PPIP5K2: variants seen among roughly 807,000 people sequenced by gnomAD.
PPIP5K2 encodes the protein inositol hexakisphosphate and diphosphoinositol-pentakisphosphate kinase 2.
In PPIP5K2, 105 loss-of-function variants were observed where a neutral mutation model predicts 154.6. The observed-to-expected ratio is 0.68, with a 90% confidence interval of 0.58 to 0.80. The LOEUF is 0.80. PPIP5K2 is among the 30% of genes least tolerant of loss of function. The pLI, the probability that PPIP5K2 is intolerant of heterozygous loss-of-function variation, is 0.00. For missense variants in PPIP5K2, 992 were observed against 1,504.6 expected, an observed-to-expected ratio of 0.66 and a Z score of 5.64; for synonymous variants, 480 against 490.3, an observed-to-expected ratio of 0.98 and a Z score of 0.28.
intron 5 of PPIP5K2, among the ~76,000 whole-genome samples, chr5:103,142,745 C>G (rs1793028088): frequency 6.9e-6 from 1 of 145,146 alleles, no homozygotes; most frequent in Non-Finnish European, 1.5e-5. Flanking sequence ...CACTGCACTC[C>G]AGCCTGGGCG....
At chr5:103,129,948 A>G (rs185253910) in intron 2 of PPIP5K2, among the ~76,000 whole-genome samples, 1 of 152,330 alleles carries the variant, frequency 6.6e-6, no homozygotes, top group Admixed American at 6.5e-5. Flanking sequence ...GTGTTAGGTA[A>G]CAAAAGTGGC....
chr5:103,174,812 G>A (rs951615463), intron 21 of PPIP5K2, among the ~76,000 whole-genome samples: 10 of 152,100 alleles, frequency 6.6e-5, no homozygotes, highest in Non-Finnish European at 1.5e-4. Flanking sequence ...CTGTCCTATT[G>A]TAAGAAGAGT....
At chr5:103,184,796 G>C in intron 26 of PPIP5K2, 52 bp downstream of exon 26, 1 of 1,395,344 alleles carries the variant, frequency 7.2e-7, no homozygotes, top group Non-Finnish European at 1.0e-6. Context: ...ACTCACTATT[G>C]TGCACACATG....
At chr5:103,187,133 T>C (rs1800513012) in intron 27 of PPIP5K2, among the ~76,000 whole-genome samples, 181 bp from the exon 28 acceptor site, 1 of 152,214 alleles carries the variant, frequency 6.6e-6, no homozygotes, top group Non-Finnish European at 1.5e-5. Flanking sequence ...TTTGACACTT[T>C]TCCTCTGTCA....
chr5:103,189,274 T>C, intron 28 of PPIP5K2: 1 of 1,378,502 alleles, frequency 7.3e-7, no homozygotes, highest in Non-Finnish European at 9.9e-7. Context: ...GCTTTTTAAA[T>C]TGCTGCGCTA....
chr5:103,160,712 A>T (rs948953205), intron 17 of PPIP5K2, among the ~76,000 whole-genome samples: 1 of 152,144 alleles, frequency 6.6e-6, no homozygotes, highest in Non-Finnish European at 1.5e-5. Flanking sequence ...TGCAGGCTAT[A>T]GTTTGTTGAT....
rs35071493 is a variant in PPIP5K2 at position 103,167,313 on chromosome 5, A to G, written c.2055A>G (p.Lys685=). Residue 685 remains lysine, a synonymous_variant, in exon 18 of 31, where the codon AAA becomes AAG. Coordinates refer to ENST00000358359, the MANE Select transcript of PPIP5K2 (RefSeq NM_001276277.3). The part of the protein sequence containing the change: ...SQIRHRMEDP[K]SSDIQLYHSE... Reference sequence around the variant, plus strand: ...TCAGACATCGAATGGAAGATCCTAAATCATCAGGTAAATATGTTTTTCTTA... The same window carrying G: ...TCAGACATCGAATGGAAGATCCTAAGTCATCAGGTAAATATGTTTTTCTTA... The G allele has an allele frequency of 6.8e-3, 10,605 of 1,570,172 alleles. 42 individuals carry two copies. Among genetic ancestry groups the G allele is most frequent in the Non-Finnish European group, 7.7e-3 (8,966 of 1,161,304 alleles).
Position 103,153,880 on chromosome 5 carries a change from G to A in PPIP5K2, c.1163G>A (p.Arg388His), listed in dbSNP as rs752001372. 6.2e-6 allele frequency: 10 copies of A among 1,606,982 alleles called. No individual in the cohort carries two copies. Among genetic ancestry groups the A allele is most frequent in the African/African-American group, 1.3e-5 (1 of 74,540 alleles). Residue 388 changes from arginine (R) to histidine (H), a missense_variant, in exon 11 of 31, where the codon CGT (arginine) becomes CAT (histidine). Physicochemically the swap from Arg to His is conservative, Grantham distance 29 (BLOSUM62 0). This residue lies in a region of PPIP5K2 where 163 missense variants were observed against 285.2 expected (regional missense o/e 0.57). Transcript: ENST00000358359. ...CTTAGATGTGTCATAGCTGTTATAC[G>A]TCATGGGGATCGAACACCAAAACAA... ...MELRCVIAVI[R>H]HGDRTPKQKM...
intron 10 of PPIP5K2, 26 bp downstream of exon 10, chr5:103,152,775 A>C (rs1483027836): frequency 6.8e-7 from 1 of 1,463,852 alleles, no homozygotes; most frequent in Non-Finnish European, 9.5e-7. Context: ...TTTCATTTAG[A>C]AATTGAGTTT....
At chr5:103,189,319 AAAGAT>A in intron 28 of PPIP5K2, 1 of 1,033,454 alleles carries the variant, frequency 9.7e-7, no homozygotes, top group Non-Finnish European at 1.4e-6. Flanking sequence ...AAAGTTTATT[AAAGAT>A]AAGTGGAAAA....
At chr5:103,124,809 T>TAA (rs1375677301) in intron 1 of PPIP5K2, among the ~76,000 whole-genome samples, 2 of 152,310 alleles carry the variant, frequency 1.3e-5, no homozygotes, top group East Asian at 3.9e-4. Context: ...TTGGCATACT[T>TAA]ACAATTCATT....
chr5:103,190,480 A>G (rs1801056836), intron 28 of PPIP5K2, among the ~76,000 whole-genome samples: 3 of 152,028 alleles, frequency 2.0e-5, no homozygotes, highest in African/African-American at 7.2e-5. Flanking sequence ...ATCATGTGGC[A>G]TCAGTTTATT....
chr5:103,142,085 G>T (rs1319800751), intron 5 of PPIP5K2, among the ~76,000 whole-genome samples: 1 of 152,240 alleles, frequency 6.6e-6, no homozygotes, highest in Non-Finnish European at 1.5e-5. Flanking sequence ...GGAGCAGGGG[G>T]TGGTGCTCGT....
intron 1 of PPIP5K2, among the ~76,000 whole-genome samples, chr5:103,123,095 AT>A (rs1354632950): frequency 1.3e-5 from 2 of 152,346 alleles, no homozygotes; most frequent in Admixed American, 1.3e-4. Flanking sequence ...AGTTATTTAT[AT>A]TTGTTCCTTG....
At chr5:103,161,519 C>T (rs1186117344) in intron 17 of PPIP5K2, among the ~76,000 whole-genome samples, 1 of 152,124 alleles carries the variant, frequency 6.6e-6, no homozygotes, top group South Asian at 2.1e-4. Flanking sequence ...GTTCTAGATC[C>T]TTGAGGAATC....
chr5:103,149,680 T>C (rs1794308242), intron 8 of PPIP5K2, among the ~76,000 whole-genome samples: 1 of 152,090 alleles, frequency 6.6e-6, no homozygotes, highest in African/African-American at 2.4e-5. Context: ...TCTATGTTCA[T>C]GAAAACAATA....
chr5:103,154,525 C>T (rs890527812), intron 11 of PPIP5K2, 145 bp from the exon 12 acceptor site: 41 of 538,792 alleles, frequency 7.6e-5, no homozygotes, highest in African/African-American at 7.6e-4. Context: ...GCAACATGTA[C>T]AGTGAAAGAG....
Position 103,129,532 on chromosome 5 carries a change from C to T in PPIP5K2, c.-58C>T. 1 of 1,389,312 alleles carries T rather than the reference C, an allele frequency of 7.2e-7. No individual in the cohort carries two copies. The highest frequency in any genetic ancestry group is 9.6e-7 in the Non-Finnish European group (1 of 1,040,356). 86.1% of individuals were successfully genotyped at this position (1,389,312 alleles called of 1,614,324 possible). A position where few individuals can be genotyped will look rare whatever the true frequency, so the allele number is the denominator to read the frequency against. On this transcript the variant is annotated 5_prime_UTR_variant, in exon 2 of 31. Transcript: ENST00000358359. ...GAATGCTTTCTTCTGATACTATTTACTTAGAGGCAGTTTTAATATAAATCA... is the reference window on the plus strand; with the variant it reads ...GAATGCTTTCTTCTGATACTATTTATTTAGAGGCAGTTTTAATATAAATCA...
intron 30 of PPIP5K2, among the ~76,000 whole-genome samples, chr5:103,201,287 A>C (rs1013147140): frequency 6.6e-6 from 1 of 152,234 alleles, no homozygotes; most frequent in African/African-American, 2.4e-5. Context: ...CCTAGGAAGC[A>C]TGTAGAGTAA....
Sources: gnomAD v4.1 joint callset for allele counts (sites outside exome capture counted in the v4.1 genomes callset) on GRCh38, gnomAD v4.1.1 for gene constraint, gnomAD v4.1.1 regional missense constraint, MANE v1.5 for transcripts, NCBI Gene and HGNC (gene_info 2026-07-23, HGNC 2026-07-21) for gene names.